PPARGC1A: variants seen among roughly 807,000 people sequenced by gnomAD.
PPARGC1A encodes peroxisome proliferator-activated receptor gamma coactivator 1-alpha.
Under a neutral mutation model 88.7 loss-of-function variants are expected in PPARGC1A, and 25 were observed. The observed-to-expected ratio is 0.28, with a 90% CI of 0.21 to 0.39. The LOEUF (loss-of-function observed/expected upper bound fraction) is 0.39, where lower values mean the gene tolerates loss of function less well. Ranked by LOEUF, PPARGC1A falls within the 10% of genes least tolerant of loss-of-function variation. PPARGC1A has a pLI of 1.00. For missense variants in PPARGC1A, 880 were observed against 968.7 expected (o/e 0.91, Z 1.22); for synonymous variants, 363 against 355.6 (o/e 1.02, Z -0.24).
the PPARGC1A span, among the ~76,000 whole-genome samples, chr4:24,020,610 CA>C: frequency 6.6e-6 from 1 of 152,088 alleles, no homozygotes; most frequent in Admixed American, 6.5e-5. Context: ...CTTATCTTTC[CA>C]AAGAGATCGG....
At chr4:24,440,104 A>G in the PPARGC1A span, among the ~76,000 whole-genome samples, 1 of 152,198 alleles carries the variant, frequency 6.6e-6, no homozygotes, top group South Asian at 2.1e-4. Context: ...TATGTGTGCA[A>G]TTTGTTTCAC....
the PPARGC1A span, among the ~76,000 whole-genome samples, chr4:24,219,188 C>T: frequency 1.3e-5 from 2 of 152,226 alleles, no homozygotes; most frequent in African/African-American, 2.4e-5. Context: ...TATGGTCCCA[C>T]AACCCTTGGC....
the PPARGC1A span, among the ~76,000 whole-genome samples, chr4:24,098,290 A>G: frequency 6.6e-6 from 1 of 152,226 alleles, no homozygotes; most frequent in African/African-American, 2.4e-5. Context: ...TTGTGGATCC[A>G]TATTTAGAGA....
the PPARGC1A span, among the ~76,000 whole-genome samples, chr4:24,046,450 C>A: frequency 2.6e-5 from 4 of 152,112 alleles, no homozygotes; most frequent in African/African-American, 9.7e-5. Flanking sequence ...TGGTTCAGGC[C>A]CTCTTTGTAT....
At chr4:23,898,089 C>T (rs77745483) in intron 1 of PPARGC1A, among the ~76,000 whole-genome samples, 1 of 152,160 alleles carries the variant, frequency 6.6e-6, no homozygotes, top group South Asian at 2.1e-4. Context: ...AAATAACATC[C>T]TTTCTTCCTA....
the PPARGC1A span, among the ~76,000 whole-genome samples, chr4:24,331,175 C>T: frequency 6.6e-6 from 1 of 152,216 alleles, no homozygotes; most frequent in Non-Finnish European, 1.5e-5. Context: ...CCCCACTTTG[C>T]CCAGCACAAT....
At chr4:24,375,107 T>C in the PPARGC1A span, among the ~76,000 whole-genome samples, 1 of 152,036 alleles carries the variant, frequency 6.6e-6, no homozygotes, top group South Asian at 2.1e-4. Flanking sequence ...ATATCCACCA[T>C]TAAAACTCCA....
chr4:24,165,164 AT>A, the PPARGC1A span, among the ~76,000 whole-genome samples: 2 of 152,192 alleles, frequency 1.3e-5, no homozygotes, highest in Non-Finnish European at 2.9e-5. Context: ...TAATGGACAT[AT>A]TAACAATTAA....
At chr4:24,340,557 C>T in the PPARGC1A span, among the ~76,000 whole-genome samples, 1 of 152,044 alleles carries the variant, frequency 6.6e-6, no homozygotes, top group Admixed American at 6.6e-5. Flanking sequence ...AACATTATGG[C>T]TACAAAACTT....
At chr4:23,825,442 G>A (rs1292666970) in intron 5 of PPARGC1A, among the ~76,000 whole-genome samples, 14 of 151,978 alleles carry the variant, frequency 9.2e-5, no homozygotes, top group Non-Finnish European at 1.9e-4. Context: ...GAAAATCATA[G>A]TGTCAAAACC....
chr4:23,970,046 A>G, the PPARGC1A span, among the ~76,000 whole-genome samples: 4 of 152,216 alleles, frequency 2.6e-5, no homozygotes, highest in South Asian at 8.3e-4. Context: ...TCCCATAAGC[A>G]TTCTGTGTGA....
chr4:24,183,417 G>A, the PPARGC1A span, among the ~76,000 whole-genome samples: 7 of 152,240 alleles, frequency 4.6e-5, no homozygotes, highest in South Asian at 4.1e-4. Context: ...ATGTTATGTC[G>A]CCTTCCAACC....
the PPARGC1A span, among the ~76,000 whole-genome samples, chr4:24,253,841 T>C: frequency 6.6e-6 from 1 of 152,196 alleles, no homozygotes; most frequent in Non-Finnish European, 1.5e-5. Context: ...CAACCAATTT[T>C]ATCCATGCAT....
At chr4:24,123,309 G>A in the PPARGC1A span, among the ~76,000 whole-genome samples, 102 of 152,262 alleles carry the variant, frequency 6.7e-4, 1 homozygote, top group African/African-American at 1.8e-3. Context: ...CAAGATCCCT[G>A]AAACCCAAGA....
chr4:23,986,265 T>C, the PPARGC1A span, among the ~76,000 whole-genome samples: 1 of 152,102 alleles, frequency 6.6e-6, no homozygotes, highest in Non-Finnish European at 1.5e-5. Flanking sequence ...TATTTACATA[T>C]ACTTAATAAA....
chr4:24,123,910 C>CAA, the PPARGC1A span, among the ~76,000 whole-genome samples: 13,016 of 122,874 alleles, frequency 0.11, 767 homozygotes, highest in African/African-American at 0.17. Flanking sequence ...TCTAAGTTGG[C>CAA]AAAAAAAAAA....
chr4:23,835,113 T>G (rs749535001), intron 2 of PPARGC1A, among the ~76,000 whole-genome samples: 5 of 152,212 alleles, frequency 3.3e-5, no homozygotes, highest in African/African-American at 1.2e-4. Context: ...AATGGATAAT[T>G]TTGTTTACTA....
the PPARGC1A span, among the ~76,000 whole-genome samples, chr4:24,192,959 T>G: frequency 1.3e-5 from 2 of 152,216 alleles, no homozygotes; most frequent in African/African-American, 4.8e-5. Context: ...GAAACTAATT[T>G]GGACATGTAA....
At chr4:24,420,227 T>G in the PPARGC1A span, among the ~76,000 whole-genome samples, 1 of 152,240 alleles carries the variant, frequency 6.6e-6, no homozygotes, top group East Asian at 1.9e-4. Flanking sequence ...ACCCAAATTA[T>G]TCTGGTTAAT....
Sources: gnomAD v4.1 joint callset for allele counts (sites outside exome capture counted in the v4.1 genomes callset) on GRCh38, gnomAD v4.1.1 for gene constraint, MANE v1.5 for transcripts, NCBI Gene and HGNC (gene_info 2026-07-23, HGNC 2026-07-21) for gene names.